ZNF84: variants seen among roughly 807,000 people sequenced by gnomAD.
The protein encoded by ZNF84 is zinc finger protein HPF2.
In ZNF84, 12 loss-of-function variants were observed where a neutral mutation model predicts 14.8. That is an observed-to-expected ratio of 0.81 (90% CI 0.52 to 1.31). ZNF84 has a LOEUF of 1.31. ZNF84 is among the 50% of genes most tolerant of loss of function. The probability of loss-of-function intolerance (pLI) is 0.00; values close to 1 mark genes in which losing one functional copy is unlikely to be tolerated. For missense variants in ZNF84, 859 were observed against 878.6 expected (o/e 0.98, Z 0.28); for synonymous variants, 347 against 291.1 (o/e 1.19, Z -1.96).
At position 133,060,429 on chromosome 12, in the gene ZNF84, C is replaced by T. The variant is rs1406432703; in HGVS notation, c.*1497C>T. On this transcript the variant is annotated 3_prime_UTR_variant, in exon 5 of 5. Transcript: ENST00000539354. ...TACAGTGGGGTTACCTCCCAATAAA[C>T]CCATTGTAAGTTGAAAACATTGTAA... 2.0e-5 allele frequency: 3 copies of T among 152,162 alleles called. No individual in the cohort carries two copies. The highest frequency in any genetic ancestry group is 7.2e-5 in the African/African-American group (3 of 41,426). 9.4% of individuals were successfully genotyped at this position (152,162 alleles called of 1,614,324 possible). A position where few individuals can be genotyped will look rare whatever the true frequency, so the allele number is the denominator to read the frequency against.
chr12:133,058,642 A>G lies in ZNF84; in HGVS notation c.1927A>G (p.Ile643Val), dbSNP rs959442906. ...AGCCTTCAGGGAGAAGTCAAGTCTC[A>G]TCAATCATCAGAGAATACATACAGG... is the stretch of plus-strand genomic sequence containing the variant. ...RKAFREKSSLINHQRIHTGEK... is the reference protein window; with the variant it reads ...RKAFREKSSLVNHQRIHTGEK... Residue 643 changes from isoleucine (I) to valine (V), a missense_variant, in exon 5 of 5, where the codon ATC (isoleucine) becomes GTC (valine). Physicochemically the swap from Ile to Val is conservative, Grantham distance 29. Transcript: ENST00000539354. The G allele has an allele frequency of 2.5e-6, 4 of 1,614,154 alleles. No homozygotes were observed. Among genetic ancestry groups the G allele is most frequent in the Non-Finnish European group, 3.4e-6 (4 of 1,180,002 alleles).
In ZNF84 at chr12:133,063,110, ATGGTCTGCAG is replaced by A. The variant is rs1954292692; in HGVS notation, c.*4181_*4190del. On this transcript the variant is annotated 3_prime_UTR_variant, in exon 5 of 5. Coordinates refer to ENST00000539354, the MANE Select transcript of ZNF84 (RefSeq NM_001289971.2). ...GCTGTTTTCTGCCACATGGAGAAACATGGTCTGCAGTGAGAGAGAAGAATGAAGCCATGAT... is the reference window on the plus strand; with the variant it reads ...GCTGTTTTCTGCCACATGGAGAAACATGAGAGAGAAGAATGAAGCCATGAT... 1 of 702,246 alleles carries A rather than the reference ATGGTCTGCAG, an allele frequency of 1.4e-6. No individual in the cohort carries two copies. Among genetic ancestry groups the A allele is most frequent in the African/African-American group, 1.7e-5 (1 of 57,256 alleles). The allele number at this position is 702,246 out of a possible 1,614,324, so 43.5% of individuals were successfully genotyped here.
Position 133,041,457 on chromosome 12 carries a change from A to G in ZNF84, c.-11A>G, listed in dbSNP as rs1953887147. 1.2e-6 allele frequency: 2 copies of G among 1,614,196 alleles called. No individual in the cohort carries two copies. The highest frequency in any genetic ancestry group is 1.7e-5 in the Admixed American group (1 of 60,034). On this transcript the variant is annotated 5_prime_UTR_variant, in exon 2 of 5. Transcript: ENST00000539354. ...CTCAGCCTTGCTGATCATCTCGTACAGCAGCAGAAAATGACCATGTTACAG... is the reference window on the plus strand; with the variant it reads ...CTCAGCCTTGCTGATCATCTCGTACGGCAGCAGAAAATGACCATGTTACAG...
At chr12:133,039,519 CATT>C (rs1953849048) in intron 1 of ZNF84, among the ~76,000 whole-genome samples, 1 of 152,230 alleles carries the variant, frequency 6.6e-6, no homozygotes, top group Non-Finnish European at 1.5e-5. Context: ...TACAATCACT[CATT>C]GTCCCAGTTT....
intron 2 of ZNF84, among the ~76,000 whole-genome samples, chr12:133,043,531 A>G (rs1953922667): frequency 6.6e-6 from 1 of 152,116 alleles, no homozygotes; most frequent in African/African-American, 2.4e-5. Flanking sequence ...AAATGGTGAC[A>G]GGTTACTTTG....
chr12:133,054,220 A>C (rs1954114303), intron 4 of ZNF84, among the ~76,000 whole-genome samples: 4 of 152,220 alleles, frequency 2.6e-5, no homozygotes, highest in Middle Eastern at 3.4e-3. Flanking sequence ...CATCTCAACA[A>C]GAACAACAAC....
At chr12:133,038,419 G>A (rs1348662489) in intron 1 of ZNF84, among the ~76,000 whole-genome samples, 1 of 150,978 alleles carries the variant, frequency 6.6e-6, no homozygotes, top group Non-Finnish European at 1.5e-5. Flanking sequence ...ATCCAGGCCC[G>A]GTGTGGTAGG....
intron 1 of ZNF84, chr12:133,038,070 A>G (rs1593690389): frequency 6.6e-6 from 1 of 150,932 alleles, no homozygotes. Flanking sequence ...GTGTAGCGAA[A>G]TCTCCCCTCA....
intron 4 of ZNF84, chr12:133,050,539 G>A (rs1208213572): frequency 5.0e-6 from 2 of 398,510 alleles, no homozygotes; most frequent in Non-Finnish European, 8.8e-6. Context: ...TCCATAGTAT[G>A]ACACTACTGC....
intron 1 of ZNF84, among the ~76,000 whole-genome samples, chr12:133,038,222 A>C (rs1953822600): frequency 1.3e-5 from 2 of 152,298 alleles, no homozygotes; most frequent in Admixed American, 1.3e-4. Flanking sequence ...TATTCATTAA[A>C]TAATTTAATT....
chr12:133,047,288 T>C (rs1953999581), intron 2 of ZNF84, among the ~76,000 whole-genome samples: 1 of 152,056 alleles, frequency 6.6e-6, no homozygotes, highest in East Asian at 1.9e-4. Flanking sequence ...TTGGGAAGCC[T>C]GTGAAAAAAG....
chr12:133,056,043 A>G (rs921697897), intron 4 of ZNF84, among the ~76,000 whole-genome samples: 3 of 152,208 alleles, frequency 2.0e-5, no homozygotes, highest in Admixed American at 6.5e-5. Context: ...AGTAATGTGA[A>G]GATGCATATG....
chr12:133,054,006 A>AT (rs1402298727), intron 4 of ZNF84, among the ~76,000 whole-genome samples: 2 of 152,146 alleles, frequency 1.3e-5, no homozygotes, highest in African/African-American at 4.8e-5. Flanking sequence ...CACATTACTG[A>AT]TTATCTTTCT....
At chr12:133,052,776 A>G (rs1361840782) in intron 4 of ZNF84, among the ~76,000 whole-genome samples, 3 of 152,246 alleles carry the variant, frequency 2.0e-5, no homozygotes, top group Admixed American at 2.0e-4. Flanking sequence ...AGTTTTGAGG[A>G]GACACATTTA....
Position 133,058,201 on chromosome 12 carries a change from T to C in ZNF84, c.1486T>C (p.Phe496Leu), listed in dbSNP as rs1954196204. 2.5e-6 allele frequency: 4 copies of C among 1,613,968 alleles called. No individual in the cohort carries two copies. Among genetic ancestry groups the C allele is most frequent in the African/African-American group, 1.3e-5 (1 of 74,966 alleles). Residue 496 changes from phenylalanine (F) to leucine (L), a missense_variant, in exon 5 of 5, where the codon TTC becomes CTC. By Grantham distance (22) the Phe-to-Leu change is conservative (BLOSUM62 0). Coordinates refer to ENST00000539354, the MANE Select transcript of ZNF84 (RefSeq NM_001289971.2). ...TGAATGCAGTGAGTGTGGGAAAGCT[T>C]TCAGTGAAAAATTAAGTCTCACTAA... The part of the protein sequence containing the change: ...PYECSECGKA[F>L]SEKLSLTNHQ...
rs1566291451 is a variant in ZNF84, at chr12:133,062,831, CTG to C, written c.*3902_*3903del. On this transcript the variant is annotated 3_prime_UTR_variant, in exon 5 of 5. Coordinates refer to ENST00000539354, the MANE Select transcript of ZNF84 (RefSeq NM_001289971.2). ...CCTCCTATGCAATATTTTCTGGCCTCTGTGAACAACTTGTAGTTCCTTGAGAT... is the reference window on the plus strand; with the variant it reads ...CCTCCTATGCAATATTTTCTGGCCTCTGAACAACTTGTAGTTCCTTGAGAT... 8.6e-6 allele frequency: 4 copies of C among 464,906 alleles called. No homozygotes were observed. Among genetic ancestry groups the C allele is most frequent in the South Asian group, 3.6e-5 (1 of 27,398 alleles). The allele number at this position is 464,906 out of a possible 1,614,324, so 28.8% of individuals were successfully genotyped here.
intron 2 of ZNF84, 50 bp downstream of exon 2, chr12:133,041,532 G>A (rs1435149781): frequency 3.2e-6 from 5 of 1,574,972 alleles, no homozygotes; most frequent in Non-Finnish European, 2.6e-6. Flanking sequence ...TAGAAGAAAT[G>A]TATAAGCCTT....
At position 133,058,939 on chromosome 12, in the gene ZNF84, A is replaced by T; in HGVS notation, c.*7A>T. 1 of 1,577,114 alleles carries T rather than the reference A, an allele frequency of 6.3e-7. No homozygotes were observed. The highest frequency in any genetic ancestry group is 8.6e-7 in the Non-Finnish European group (1 of 1,165,900). On this transcript the variant is annotated 3_prime_UTR_variant, in exon 5 of 5. Transcript: ENST00000539354. ...TACAGTAAAAAAATCCTAGGAATAC[A>T]GTTAATAGTAGTCTTTGACAGATCA...
intron 4 of ZNF84, among the ~76,000 whole-genome samples, chr12:133,055,763 A>G (rs1236297598): frequency 6.6e-6 from 1 of 152,202 alleles, no homozygotes; most frequent in African/African-American, 2.4e-5. Flanking sequence ...CAAGAAAACT[A>G]TTAGAAGAAA....
Sources: gnomAD v4.1 joint callset for allele counts (sites outside exome capture counted in the v4.1 genomes callset) on GRCh38, gnomAD v4.1.1 for gene constraint, MANE v1.5 for transcripts, NCBI Gene and HGNC (gene_info 2026-07-23, HGNC 2026-07-21) for gene names.